The following YIPF6 variants were observed in gnomAD, a reference collection of about 807,000 sequenced individuals.
The protein encoded by YIPF6 is Yip1 domain family member 6.
Under a neutral mutation model 16.8 loss-of-function variants are expected in YIPF6, and 3 were observed. The ratio of observed to expected loss-of-function variants is 0.18; its 90% CI spans 0.08 to 0.46. The LOEUF (loss-of-function observed/expected upper bound fraction) is 0.46. YIPF6 is among the 20% of genes least tolerant of loss of function. The probability of loss-of-function intolerance (pLI) is 0.98; values close to 1 mark genes in which losing one functional copy is unlikely to be tolerated. For missense variants in YIPF6, 145 were observed against 184.9 expected, an observed-to-expected ratio of 0.78 and a Z score of 1.25; for synonymous variants, 67 against 61.9, an observed-to-expected ratio of 1.08 and a Z score of -0.38.
intron 3 of YIPF6, chrX:68,514,292 A>G (rs2079093114): frequency 9.3e-6 from 1 of 107,647 alleles, no homozygotes; most frequent in Non-Finnish European, 1.9e-5. Context: ...GGTTACTACA[A>G]AATACATTTC....
chrX:68,522,729 A>T, intron 5 of YIPF6, 31 bp from the exon 6 acceptor site: 1 of 1,172,656 alleles, frequency 8.5e-7, no homozygotes, highest in Non-Finnish European at 1.1e-6. Flanking sequence ...AGTTGTATTT[A>T]TGATCTTTAT....
chrX:68,518,728 CAG>C, intron 3 of YIPF6, 40 bp from the exon 4 acceptor site: 1 of 1,169,474 alleles, frequency 8.6e-7, no homozygotes, highest in Non-Finnish European at 1.1e-6. Context: ...AGAATAAAGA[CAG>C]AAAATATTAC....
At chrX:68,528,336 A>G (rs1398947647) in intron 6 of YIPF6, among the ~76,000 whole-genome samples, 1 of 111,588 alleles carries the variant, frequency 9.0e-6, no homozygotes, top group East Asian at 2.8e-4. Flanking sequence ...TTTGCTTGGT[A>G]AATATTCTTC....
chrX:68,526,490 T>C (rs2079148375), intron 6 of YIPF6, among the ~76,000 whole-genome samples: 1 of 111,878 alleles, frequency 8.9e-6, no homozygotes, highest in African/African-American at 3.2e-5. Flanking sequence ...TCTTGCCTGA[T>C]TTCCCTGGCC....
rs747089716 is a variant in YIPF6, at chrX:68,517,277, A to T, written c.266-1493A>T. Among the ~76,000 whole-genome samples, 259 of 111,730 alleles carry T rather than the reference A, an allele frequency of 2.3e-3. 1 individual carries two copies. Among genetic ancestry groups the T allele is most frequent in the African/African-American group, 8.2e-3 (251 of 30,754 alleles). ...ATTCCCATGCCTCAGCCTCCCAAGT[A>T]GCTGGGATTACAGGCACGTGCCACC... On this transcript the variant is annotated intron_variant, in intron 3 of 6. Coordinates refer to ENST00000462683, the MANE Select transcript of YIPF6 (RefSeq NM_173834.4).
intron 6 of YIPF6, among the ~76,000 whole-genome samples, chrX:68,527,513 T>G (rs1225820039): frequency 9.0e-6 from 1 of 111,577 alleles, no homozygotes; most frequent in Admixed American, 9.6e-5. Flanking sequence ...CTTCTGCCAG[T>G]TTTTGAATTT....
chrX:68,507,575 G>A (rs768323239), intron 1 of YIPF6, among the ~76,000 whole-genome samples: 1 of 107,526 alleles, frequency 9.3e-6, no homozygotes, highest in Non-Finnish European at 1.9e-5. Context: ...TTATTTGTTT[G>A]TTTATATTTT....
At chrX:68,518,525 G>A (rs745892175) in intron 3 of YIPF6, among the ~76,000 whole-genome samples, 1 of 110,887 alleles carries the variant, frequency 9.0e-6, no homozygotes, top group Admixed American at 9.7e-5. Context: ...GCCAGCATGT[G>A]TCTTAGTAGA....
rs1259561349 is a variant in YIPF6, at chrX:68,536,626, A to G, written c.*4627A>G. On this transcript the variant is annotated 3_prime_UTR_variant, in exon 7 of 7. Transcript: ENST00000462683. ...CCCCCAAGGTATTTTCCCTATTGTT[A>G]GCCTTTGTACCCTAGAACTGACTGG... 10 of 111,075 alleles carry G rather than the reference A, an allele frequency of 9.0e-5. No individual in the cohort carries two copies. Among genetic ancestry groups the G allele is most frequent in the African/African-American group, 2.9e-4 (9 of 30,509 alleles). The allele number at this position is 111,075 out of a possible 1,213,427, so 9.2% of individuals were successfully genotyped here.
In YIPF6 at chrX:68,532,095, T is replaced by G. The variant is rs1361064606; in HGVS notation, c.*96T>G. ...TGTCTCTGGCCCTTATTTGTCTAAT[T>G]TTGGAGGTATTTGATAACTGAGTAG... is the stretch of plus-strand genomic sequence containing the variant. On this transcript the variant is annotated 3_prime_UTR_variant, in exon 7 of 7. Coordinates refer to ENST00000462683, the MANE Select transcript of YIPF6 (RefSeq NM_173834.4). 1.5e-6 allele frequency: 1 copy of G among 653,896 alleles called. No homozygotes were observed. Among genetic ancestry groups the G allele is most frequent in the Admixed American group, 3.1e-5 (1 of 32,652 alleles). 53.9% of individuals were successfully genotyped at this position (653,896 alleles called of 1,213,427 possible).
At position 68,534,663 on chromosome X, in the gene YIPF6, T is replaced by A. The variant is rs2079184819; in HGVS notation, c.*2664T>A. The A allele has an allele frequency of 8.9e-6, 1 of 111,856 alleles. No individual in the cohort carries two copies. Among genetic ancestry groups the A allele is most frequent in the African/African-American group, 3.2e-5 (1 of 30,794 alleles). The allele number at this position is 111,856 out of a possible 1,213,427, so 9.2% of individuals were successfully genotyped here. ...GTGGCTTGAAGGGATGAATAAATAT[T>A]TTCTTAATATATTCAAAAAAGTGCA... On this transcript the variant is annotated 3_prime_UTR_variant, in exon 7 of 7. Transcript: ENST00000462683.
chrX:68,521,309 T>C lies in YIPF6; in HGVS notation c.309-63T>C, dbSNP rs746744663. On this transcript the variant is annotated intron_variant, in intron 4 of 6. Transcript: ENST00000462683. ...ATCTGATTCAAAGTTTGAGAACCCA[T>C]GCCTTAACTTTGTTGCCCTAAGTAA... The C allele has an allele frequency of 1.3e-5, 15 of 1,163,661 alleles. No individual in the cohort carries two copies. In the East Asian group the frequency reaches 1.8e-4, roughly 14 times the overall value.
rs2079088734 is a variant in YIPF6, at chrX:68,513,391, C to T, written c.251C>T (p.Thr84Ile). 2 of 1,198,374 alleles carry T rather than the reference C, an allele frequency of 1.7e-6. No individual in the cohort carries two copies. Among genetic ancestry groups the T allele is most frequent in the South Asian group, 1.8e-5 (1 of 55,179 alleles). ...MHVLYPRKSN[T>I]LLRDWDLWGP... ...GTTTTGTACCCAAGGAAAAGTAATACTCTTTTGAGAGATTGTAAGTATATG... is the reference window on the plus strand; with the variant it reads ...GTTTTGTACCCAAGGAAAAGTAATATTCTTTTGAGAGATTGTAAGTATATG... Residue 84 changes from threonine to isoleucine, a missense_variant, in exon 3 of 7, where the codon ACT becomes ATT. Transcript: ENST00000462683.
At chrX:68,503,840 T>C (rs2079049927) in intron 1 of YIPF6, among the ~76,000 whole-genome samples, 1 of 112,174 alleles carries the variant, frequency 8.9e-6, no homozygotes, top group South Asian at 3.7e-4. Flanking sequence ...TGCCTTAGCC[T>C]CCTGAGTATC....
chrX:68,525,273 G>A (rs765092687), intron 6 of YIPF6, among the ~76,000 whole-genome samples: 89 of 112,193 alleles, frequency 7.9e-4, no homozygotes, highest in Non-Finnish European at 1.4e-3. Context: ...TTTGTTGGCC[G>A]CATAAATGTC....
intron 1 of YIPF6, among the ~76,000 whole-genome samples, chrX:68,509,568 C>T (rs2079072419): frequency 9.0e-6 from 1 of 111,428 alleles, no homozygotes; most frequent in Non-Finnish European, 1.9e-5. Flanking sequence ...GTGATAGGGG[C>T]CAGGGAAAGG....
Position 68,535,505 on chromosome X carries a change from T to TA in YIPF6, c.*3507dup, listed in dbSNP as rs1468293226. The TA allele has an allele frequency of 1.8e-5, 2 of 112,081 alleles. No homozygotes were observed. Among genetic ancestry groups the TA allele is most frequent in the Non-Finnish European group, 3.8e-5 (2 of 53,302 alleles). The allele number at this position is 112,081 out of a possible 1,213,427, so 9.2% of individuals were successfully genotyped here. On this transcript the variant is annotated 3_prime_UTR_variant, in exon 7 of 7. Coordinates refer to ENST00000462683, the MANE Select transcript of YIPF6 (RefSeq NM_173834.4). ...TGCAAAACACTGAAATTGTGATTCT[T>TA]AGACTGTTTCTGAGACATTTGGATG...
intron 1 of YIPF6, among the ~76,000 whole-genome samples, chrX:68,505,639 G>C (rs775152025): frequency 8.9e-6 from 1 of 111,819 alleles, no homozygotes; most frequent in Non-Finnish European, 1.9e-5. Flanking sequence ...AGAAACAAGG[G>C]AGTGATGTAT....
intron 6 of YIPF6, among the ~76,000 whole-genome samples, chrX:68,529,258 C>T (rs909348277): frequency 2.1e-4 from 23 of 109,326 alleles, no homozygotes; most frequent in African/African-American, 7.3e-4. Context: ...TTTTCTTCTG[C>T]TTGATCGATT....
Sources: allele counts gnomAD v4.1 joint callset (sites outside exome capture counted in the v4.1 genomes callset), GRCh38; gene constraint gnomAD v4.1.1; transcripts MANE v1.5; gene names NCBI Gene and HGNC (gene_info 2026-07-23, HGNC 2026-07-21).